The following DMTF1 variants were observed in gnomAD, a reference collection of about 807,000 sequenced individuals.
DMTF1 encodes cyclin-D-binding Myb-like transcription factor 1.
A neutral mutation model predicts 91.1 loss-of-function variants in DMTF1; 39 were observed. That is an observed-to-expected ratio of 0.43 (90% CI 0.33 to 0.56). The LOEUF is 0.56. Among genes scored for constraint, DMTF1 ranks in the 20% least tolerant of loss-of-function variants. The pLI, the probability that DMTF1 is intolerant of heterozygous loss-of-function variation, is 0.05. For synonymous variants in DMTF1, 338 were observed against 309.5 expected (o/e 1.09, Z -0.97); for missense variants, 750 against 914.5 (o/e 0.82, Z 2.32).
intron 4 of DMTF1, among the ~76,000 whole-genome samples, chr7:87,168,742 C>G (rs1479609384): frequency 6.6e-6 from 1 of 152,196 alleles, no homozygotes; most frequent in Non-Finnish European, 1.5e-5. Flanking sequence ...TATTCTCACT[C>G]TAATTCCTGA....
rs1584494950 is a variant in DMTF1, at chr7:87,194,671, TAATG to T, written c.2029-12_2029-9del. ...AGAATATGAGTCAATATTTTTTTTT[TAATG>T]TTATTTAGGGTTTAGAGTCTCCCAC... is the stretch of plus-strand genomic sequence containing the variant. On this transcript the variant is annotated splice_polypyrimidine_tract_variant and intron_variant, in intron 16 of 17. Coordinates refer to ENST00000331242, the MANE Select transcript of DMTF1 (RefSeq NM_001142327.2). 1 of 1,582,432 alleles carries T rather than the reference TAATG, an allele frequency of 6.3e-7. No individual in the cohort carries two copies. Among genetic ancestry groups the T allele is most frequent in the Non-Finnish European group, 8.6e-7 (1 of 1,156,304 alleles).
intron 1 of DMTF1, among the ~76,000 whole-genome samples, chr7:87,161,760 T>C (rs1028298257): frequency 2.0e-5 from 3 of 152,226 alleles, no homozygotes; most frequent in South Asian, 4.1e-4. Context: ...ATGTTAAACC[T>C]GTGACCATTT....
chr7:87,157,839 G>A (rs1359030489), intron 1 of DMTF1, among the ~76,000 whole-genome samples: 1 of 150,048 alleles, frequency 6.7e-6, no homozygotes, highest in Non-Finnish European at 1.5e-5. Context: ...CACACTTAAG[G>A]TTATGTGTTT....
intron 2 of DMTF1, chr7:87,164,313 T>A (rs377620724): frequency 6.6e-6 from 1 of 152,168 alleles, no homozygotes; most frequent in South Asian, 2.1e-4. Flanking sequence ...AGGAAAATAA[T>A]ATTTGTGTAA....
At chr7:87,185,417 G>C (rs879863470) in intron 11 of DMTF1, among the ~76,000 whole-genome samples, 2 of 151,736 alleles carry the variant, frequency 1.3e-5, no homozygotes, top group African/African-American at 2.4e-5. Flanking sequence ...TTTATAAATA[G>C]CTCATTTCTA....
intron 16 of DMTF1, 21 bp from the exon 17 acceptor site, chr7:87,194,659 ATATT>A: frequency 6.5e-7 from 1 of 1,545,742 alleles, no homozygotes; most frequent in East Asian, 2.3e-5. Flanking sequence ...ATATGAGTCA[ATATT>A]TTTTTTTTAA....
Position 87,173,668 on chromosome 7 carries a change from T to G in DMTF1, c.442+19T>G. On this transcript the variant is annotated intron_variant, in intron 6 of 17. Coordinates refer to ENST00000331242, the MANE Select transcript of DMTF1 (RefSeq NM_001142327.2). ...AATAAAGGTAAGATAACACTGTGAA[T>G]TTTAGTGCCTAGTGAAAAAAAATGG... The G allele has an allele frequency of 6.6e-7, 1 of 1,515,412 alleles. No homozygotes were observed. Among genetic ancestry groups the G allele is most frequent in the Non-Finnish European group, 9.1e-7 (1 of 1,103,398 alleles). The allele number at this position is 1,515,412 out of a possible 1,614,324, so 93.9% of individuals were successfully genotyped here.
chr7:87,182,402 T>G lies in DMTF1; in HGVS notation c.820+65T>G, dbSNP rs1797550771. 12 of 1,509,482 alleles carry G rather than the reference T, an allele frequency of 7.9e-6. No individual in the cohort carries two copies. In the South Asian group the frequency reaches 1.2e-4, roughly 16 times the overall value. The allele number at this position is 1,509,482 out of a possible 1,614,324, so 93.5% of individuals were successfully genotyped here. A position where few individuals can be genotyped will look rare whatever the true frequency, so the allele number is the denominator to read the frequency against. On this transcript the variant is annotated intron_variant, in intron 10 of 17. Coordinates refer to ENST00000331242, the MANE Select transcript of DMTF1 (RefSeq NM_001142327.2). The stretch of plus-strand genomic sequence containing the variant: ...TTAAGCCTCCTGCCCCTTAGGATAC[T>G]GCCTTTTCTTTGCTCTTGGGGAGCG...
intron 1 of DMTF1, among the ~76,000 whole-genome samples, chr7:87,160,787 G>A (rs2129055553): frequency 6.6e-6 from 1 of 152,224 alleles, no homozygotes; most frequent in South Asian, 2.1e-4. Flanking sequence ...GTGCTTCTTA[G>A]TTAATACCTC....
chr7:87,182,250 G>A lies in DMTF1; in HGVS notation c.733G>A (p.Asp245Asn). Residue 245 changes from aspartate (D) to asparagine (N), a missense_variant, in exon 10 of 18, where the codon GAC becomes AAC. Asp to Asn is a conservative substitution (Grantham distance 23). Around this residue, in one of 3 missense-constraint regions of DMTF1, gnomAD observed 190 missense variants for 343.8 expected, o/e 0.55. Coordinates refer to ENST00000331242, the MANE Select transcript of DMTF1 (RefSeq NM_001142327.2). ...TAGGCTCCGGATAAAGCATGGCAAT[G>A]ACTGGGCAACAATAGGGGCGGCGCT... ...LKELRIKHGN[D>N]WATIGAALGR... 1 of 1,614,138 alleles carries A rather than the reference G, an allele frequency of 6.2e-7. No homozygotes were observed. Among genetic ancestry groups the A allele is most frequent in the South Asian group, 1.1e-5 (1 of 91,088 alleles).
In DMTF1 at chr7:87,170,861, T is replaced by C. The variant is rs562292218; in HGVS notation, c.233-134T>C. 40 of 645,780 alleles carry C rather than the reference T, an allele frequency of 6.2e-5. 1 individual carries two copies. In the South Asian group the frequency reaches 6.5e-4, roughly 10 times the overall value. 40.0% of individuals were successfully genotyped at this position (645,780 alleles called of 1,614,324 possible). ...TTAAGTATTATTAAGCAAATGAATG[T>C]ATGTATGTGAAGATGTATTAACAAG... On this transcript the variant is annotated intron_variant, in intron 4 of 17. Transcript: ENST00000331242.
intron 1 of DMTF1, among the ~76,000 whole-genome samples, chr7:87,160,123 ATTTGATTTAT>A (rs1178693302): frequency 6.6e-6 from 1 of 152,142 alleles, no homozygotes; most frequent in African/African-American, 2.4e-5. Flanking sequence ...TACTATCACA[ATTTGATTTAT>A]TTTGATTTAT....
chr7:87,166,234 T>G (rs1042561821), intron 3 of DMTF1, among the ~76,000 whole-genome samples: 9 of 152,212 alleles, frequency 5.9e-5, no homozygotes, highest in South Asian at 2.1e-4. Context: ...CCAAGAGAGA[T>G]AGCAGTTTTC....
intron 4 of DMTF1, 80 bp from the exon 5 acceptor site, chr7:87,170,915 T>C: frequency 1.1e-6 from 1 of 909,224 alleles, no homozygotes; most frequent in Non-Finnish European, 1.7e-6. Context: ...GATGATCATG[T>C]TTTTTTTCCC....
intron 4 of DMTF1, among the ~76,000 whole-genome samples, chr7:87,166,887 T>TACAAAATG (rs1176364016): frequency 6.6e-6 from 1 of 152,178 alleles, no homozygotes; most frequent in African/African-American, 2.4e-5. Flanking sequence ...TCATGAAAAT[T>TACAAAATG]ACAAAATGTC....
intron 11 of DMTF1, 138 bp downstream of exon 11, chr7:87,184,763 T>A: frequency 2.5e-6 from 2 of 785,996 alleles, no homozygotes; most frequent in South Asian, 1.5e-5. Context: ...TTTAAGATCT[T>A]AAGTATTTCA....
intron 4 of DMTF1, among the ~76,000 whole-genome samples, chr7:87,169,735 C>CCTG (rs1794660622): frequency 6.6e-6 from 1 of 152,172 alleles, no homozygotes; most frequent in Non-Finnish European, 1.5e-5. Context: ...CTCCCTCCTC[C>CCTG]CTGAAACGTT....
intron 9 of DMTF1, 31 bp from the exon 10 acceptor site, chr7:87,182,197 C>T: frequency 6.2e-7 from 1 of 1,613,866 alleles, no homozygotes; most frequent in Non-Finnish European, 8.5e-7. Flanking sequence ...AACAATTGAA[C>T]CAAATGCTGA....
chr7:87,152,598 C>T (rs905915836), intron 1 of DMTF1, 43 bp downstream of exon 1: 1 of 152,796 alleles, frequency 6.5e-6, no homozygotes. Context: ...CCGCCAGGGC[C>T]GCTCCGCCCA....
Sources: gnomAD v4.1 joint callset for allele counts (sites outside exome capture counted in the v4.1 genomes callset) on GRCh38, gnomAD v4.1.1 for gene constraint, gnomAD v4.1.1 regional missense constraint, MANE v1.5 for transcripts, NCBI Gene and HGNC (gene_info 2026-07-23, HGNC 2026-07-21) for gene names.